The following KNTC1 variants were observed in gnomAD, a reference collection of about 807,000 sequenced individuals.
KNTC1 encodes kinetochore-associated protein 1.
In KNTC1, 253 loss-of-function variants were observed where a neutral mutation model predicts 314.4. The ratio of observed to expected loss-of-function variants is 0.80; its 90% CI spans 0.73 to 0.89. KNTC1 has a LOEUF of 0.89. Among genes scored for constraint, KNTC1 ranks in the 40% least tolerant of loss-of-function variants. KNTC1 has a pLI of 0.00. For synonymous variants in KNTC1, 901 were observed against 901.4 expected, an observed-to-expected ratio of 1.00 and a Z score of 0.01; for missense variants, 2,475 against 2,572.9, an observed-to-expected ratio of 0.96 and a Z score of 0.82.
Position 122,543,617 on chromosome 12 carries a change from T to C in KNTC1, c.541T>C (p.Phe181Leu). Residue 181 changes from phenylalanine (F) to leucine (L), a missense_variant, in exon 7 of 64, where the codon TTC becomes CTC. Coordinates refer to ENST00000333479, the MANE Select transcript of KNTC1 (RefSeq NM_014708.6). ...KIQQAIENVDFSTAKKLQGQI... is the reference protein window; with the variant it reads ...KIQQAIENVDLSTAKKLQGQI... ...TAATGCAGCAATTGAGAATGTAGACTTCAGTACAGCAAAAAAGGTAAGAAA... is the reference window on the plus strand; with the variant it reads ...TAATGCAGCAATTGAGAATGTAGACCTCAGTACAGCAAAAAAGGTAAGAAA... 1 of 1,563,036 alleles carries C rather than the reference T, an allele frequency of 6.4e-7. No homozygotes were observed. Among genetic ancestry groups the C allele is most frequent in the Non-Finnish European group, 8.7e-7 (1 of 1,151,492 alleles).
intron 21 of KNTC1, among the ~76,000 whole-genome samples, chr12:122,568,953 C>G (rs192217499): frequency 1.3e-5 from 2 of 152,238 alleles, no homozygotes; most frequent in Admixed American, 6.5e-5. Flanking sequence ...CATTAAGAAT[C>G]TAGCTTCTTG....
intron 16 of KNTC1, among the ~76,000 whole-genome samples, chr12:122,557,153 G>A (rs571039447): frequency 2.0e-5 from 3 of 152,176 alleles, no homozygotes; most frequent in Middle Eastern, 3.4e-3. Context: ...CTTAGTAAGT[G>A]TACTGCTTGA....
At chr12:122,580,494 T>C in intron 32 of KNTC1, 109 bp from the exon 33 acceptor site, 1 of 657,424 alleles carries the variant, frequency 1.5e-6, no homozygotes. Flanking sequence ...GAAGAACTAC[T>C]GAAGACTTGA....
intron 43 of KNTC1, among the ~76,000 whole-genome samples, chr12:122,596,543 A>C (rs988642970): frequency 3.3e-5 from 5 of 151,884 alleles, no homozygotes; most frequent in African/African-American, 9.7e-5. Context: ...AAAAAAAAAA[A>C]ACAAAACAGC....
intron 57 of KNTC1, among the ~76,000 whole-genome samples, chr12:122,616,470 C>G (rs552728874): frequency 6.6e-6 from 1 of 152,282 alleles, no homozygotes; most frequent in Non-Finnish European, 1.5e-5. Flanking sequence ...ACCGTGTTAG[C>G]CAGGATGGTC....
At chr12:122,599,430 G>A (rs1014887939) in intron 44 of KNTC1, among the ~76,000 whole-genome samples, 4 of 151,358 alleles carry the variant, frequency 2.6e-5, no homozygotes, top group African/African-American at 7.3e-5. Context: ...GCGCAGTCTC[G>A]GCTCGCTGTA....
intron 10 of KNTC1, 124 bp from the exon 11 acceptor site, chr12:122,547,291 C>T (rs1328969342): frequency 1.0e-5 from 6 of 576,588 alleles, no homozygotes; most frequent in Non-Finnish European, 1.9e-5. Context: ...AGGAGAATCG[C>T]TTGAACCTGG....
At chr12:122,615,834 T>C (rs1873706239) in intron 57 of KNTC1, among the ~76,000 whole-genome samples, 1 of 152,188 alleles carries the variant, frequency 6.6e-6, no homozygotes, top group East Asian at 1.9e-4. Flanking sequence ...AGCTGTAGGA[T>C]GATTAAAGTT....
intron 15 of KNTC1, 38 bp downstream of exon 15, chr12:122,551,561 G>T (rs1396763979): frequency 6.2e-7 from 1 of 1,602,246 alleles, no homozygotes; most frequent in Non-Finnish European, 8.5e-7. Context: ...ATCCTTTAGT[G>T]AATAACTTAA....
intron 19 of KNTC1, 117 bp from the exon 20 acceptor site, chr12:122,562,521 T>A: frequency 3.0e-6 from 2 of 657,004 alleles, no homozygotes. Flanking sequence ...AATTGAGTTG[T>A]GATGTGAGAT....
rs192402184 is a variant in KNTC1, at chr12:122,579,937, A to G, written c.2874A>G (p.Thr958=). Residue 958 remains threonine, a synonymous_variant, in exon 32 of 64, where the codon ACA becomes ACG. Coordinates refer to ENST00000333479, the MANE Select transcript of KNTC1 (RefSeq NM_014708.6). ...CCTGGAGAATGTCTGTAGCGAAGACATCCGTGGACATTCTTAAGATACTAT... is the reference window on the plus strand; with the variant it reads ...CCTGGAGAATGTCTGTAGCGAAGACGTCCGTGGACATTCTTAAGATACTAT... ...GKAWRMSVAK[T]SVDILKILCD... is the part of the protein sequence containing the mutation. The G allele has an allele frequency of 1.1e-5, 17 of 1,611,308 alleles. No individual in the cohort carries two copies. Among genetic ancestry groups the G allele is most frequent in the Non-Finnish European group, 1.4e-5 (17 of 1,177,646 alleles).
At chr12:122,588,298 C>T (rs1411053856) in intron 39 of KNTC1, among the ~76,000 whole-genome samples, 1 of 152,132 alleles carries the variant, frequency 6.6e-6, no homozygotes. Flanking sequence ...TATCATTGAG[C>T]ATCATTGAAG....
At chr12:122,557,858 C>T (rs546954700) in intron 18 of KNTC1, among the ~76,000 whole-genome samples, 169 bp downstream of exon 18, 4 of 152,188 alleles carry the variant, frequency 2.6e-5, no homozygotes, top group Non-Finnish European at 5.9e-5. Flanking sequence ...ATACAATTCA[C>T]CTATTTAAAG....
intron 21 of KNTC1, 138 bp from the exon 22 acceptor site, chr12:122,569,543 G>A (rs1216996529): frequency 7.4e-6 from 5 of 677,286 alleles, no homozygotes; most frequent in African/African-American, 7.2e-5. Flanking sequence ...CATTTGCATA[G>A]TGTGAATCTC....
chr12:122,553,628 G>A (rs973826990), intron 16 of KNTC1, among the ~76,000 whole-genome samples: 5 of 152,106 alleles, frequency 3.3e-5, no homozygotes, highest in African/African-American at 9.7e-5. Context: ...TCTAAGGGTC[G>A]GAGACACCAG....
Position 122,587,813 on chromosome 12 carries a change from C to T in KNTC1, c.3833C>T (p.Ser1278Leu). 6.2e-7 allele frequency: 1 copy of T among 1,613,828 alleles called. No homozygotes were observed. The highest frequency in any genetic ancestry group is 2.2e-5 in the East Asian group (1 of 44,866). Reference protein sequence around the residue: ...WELALRFVVGSFGTCLQHSVS... With the variant: ...WELALRFVVGLFGTCLQHSVS... ...CTAGCCCTAAGATTTGTGGTTGGTT[C>T]ATTTGGTACCTGTCTTCAGCACTCT... The change falls in exon 39 of 64, where the codon TCA becomes TTA. Residue 1278 changes from serine to leucine, a missense_variant. Physicochemically the swap from Ser to Leu is moderately radical, Grantham distance 145. Coordinates refer to ENST00000333479, the MANE Select transcript of KNTC1 (RefSeq NM_014708.6).
In KNTC1 at chr12:122,602,620, G is replaced by A. The variant is rs371479973; in HGVS notation, c.4705G>A (p.Val1569Met). 2.9e-5 allele frequency: 46 copies of A among 1,611,596 alleles called. No individual in the cohort carries two copies. The African/African-American group carries it at 4.7e-4, about 16-fold the overall frequency. ...GTCATACAGAAGAATTTCTCCTCCC[G>A]TGGATCTAGAATATCAGTATATGTT... is the stretch of plus-strand genomic sequence containing the variant. The part of the protein sequence containing the change: ...LKSYRRISPP[V>M]DLEYQYMLEH... The change falls in exon 46 of 64, where the codon GTG becomes ATG. Residue 1569 changes from valine to methionine, a missense_variant. Transcript: ENST00000333479.
chr12:122,588,614 T>C, intron 39 of KNTC1, 98 bp from the exon 40 acceptor site: 1 of 889,292 alleles, frequency 1.1e-6, no homozygotes, highest in African/African-American at 1.7e-5. Context: ...TTTTTGGATA[T>C]AATGATGAAT....
At chr12:122,616,306 A>G (rs956995249) in intron 57 of KNTC1, among the ~76,000 whole-genome samples, 4 of 149,074 alleles carry the variant, frequency 2.7e-5, no homozygotes, top group African/African-American at 7.5e-5. Context: ...TCTGTTGCCC[A>G]GGCTGGAGTG....
Sources: allele counts gnomAD v4.1 joint callset (sites outside exome capture counted in the v4.1 genomes callset), GRCh38; gene constraint gnomAD v4.1.1; transcripts MANE v1.5; gene names NCBI Gene and HGNC (gene_info 2026-07-23, HGNC 2026-07-21).